The following C3orf20 variants were observed in gnomAD, a reference collection of about 807,000 sequenced individuals.
C3orf20 encodes the protein uncharacterized protein C3orf20.
A neutral mutation model predicts 88.3 loss-of-function variants in C3orf20; 76 were observed. The observed-to-expected ratio is 0.86, with a 90% CI of 0.72 to 1.04. The LOEUF (loss-of-function observed/expected upper bound fraction) is 1.04, where lower values mean the gene tolerates loss of function less well. Among genes scored for constraint, C3orf20 ranks in the 50% least tolerant of loss-of-function variants. C3orf20 has a pLI of 0.00. For missense variants in C3orf20, 1,056 were observed against 1,123.3 expected (o/e 0.94, Z 0.86); for synonymous variants, 436 against 437.4 (o/e 1.00, Z 0.04).
chr3:14,723,341 T>A (rs1281490367), intron 10 of C3orf20, among the ~76,000 whole-genome samples: 1 of 152,254 alleles, frequency 6.6e-6, no homozygotes, highest in African/African-American at 2.4e-5. Flanking sequence ...AAGCATTGCA[T>A]CTGTTTTCTT....
At chr3:14,707,444 CTTGT>C (rs2033556638) in intron 7 of C3orf20, among the ~76,000 whole-genome samples, 1 of 86,502 alleles carries the variant, frequency 1.2e-5, no homozygotes, top group Non-Finnish European at 2.2e-5. Flanking sequence ...AGCATCTTTT[CTTGT>C]GTGTGTGTGT....
chr3:14,737,373 G>A (rs1243948472), intron 12 of C3orf20, among the ~76,000 whole-genome samples: 2 of 151,704 alleles, frequency 1.3e-5, no homozygotes, highest in Non-Finnish European at 2.9e-5. Context: ...TGTAGATTTG[G>A]TTCCAGACCA....
intron 12 of C3orf20, among the ~76,000 whole-genome samples, chr3:14,754,219 T>C (rs2035297350): frequency 1.3e-5 from 2 of 152,184 alleles, no homozygotes; most frequent in African/African-American, 4.8e-5. Flanking sequence ...GGCTGTCTGG[T>C]ATCTTTGTCT....
rs114013803 is a variant in C3orf20, at chr3:14,728,156, G to A, written c.1691-283G>A. ...GCTAGCCTCTACATTTGGTGCTGGC[G>A]AGGACACAGGCTGAATGGAACAGGC... On this transcript the variant is annotated intron_variant, in intron 11 of 16. Coordinates refer to ENST00000253697, the MANE Select transcript of C3orf20 (RefSeq NM_032137.5). 2.2e-3 allele frequency among the ~76,000 whole-genome samples: 329 copies of A among 152,320 alleles called. 1 individual carries two copies. Among genetic ancestry groups the A allele is most frequent in the African/African-American group, 7.6e-3 (316 of 41,574 alleles).
intron 11 of C3orf20, 60 bp from the exon 12 acceptor site, chr3:14,728,379 C>G: frequency 6.2e-7 from 1 of 1,601,092 alleles, no homozygotes; most frequent in Non-Finnish European, 8.5e-7. Context: ...CAGTCTGGGA[C>G]CAGGGGCAGA....
chr3:14,688,968 G>A (rs561823220), intron 4 of C3orf20, among the ~76,000 whole-genome samples: 13 of 152,068 alleles, frequency 8.5e-5, no homozygotes, highest in Non-Finnish European at 1.2e-4. Flanking sequence ...TAGGTTTCCA[G>A]GCTTTTTGTT....
At chr3:14,760,426 T>C (rs553159735) in intron 14 of C3orf20, among the ~76,000 whole-genome samples, 2 of 152,144 alleles carry the variant, frequency 1.3e-5, no homozygotes, top group Non-Finnish European at 2.9e-5. Flanking sequence ...CCCACAGATA[T>C]GTACCTGGCA....
At chr3:14,696,618 T>C (rs2033015544) in intron 5 of C3orf20, among the ~76,000 whole-genome samples, 1 of 151,936 alleles carries the variant, frequency 6.6e-6, no homozygotes, top group South Asian at 2.1e-4. Flanking sequence ...CCTCAAGTGA[T>C]CTGCCTGCCT....
rs763768196 is a variant in C3orf20 at position 14,682,870 on chromosome 3, G to T, written c.157G>T (p.Glu53Ter). ...AAACATCTTTGAGTTCACTTGGGAA[G>T]AGCTCATCAGTGACCCTTCAGTGCC... Reference protein sequence around the residue: ...IRNIFEFTWEELISDPSVPTP... With the variant: ...IRNIFEFTWE The change falls in exon 3 of 17, where the codon GAG becomes TAG. Residue 53 changes from glutamate (E) to a stop codon, truncating the protein, a stop_gained. Coordinates refer to ENST00000253697, the MANE Select transcript of C3orf20 (RefSeq NM_032137.5). LOFTEE classifies it high-confidence loss of function. 1 of 1,614,220 alleles carries T rather than the reference G, an allele frequency of 6.2e-7. No homozygotes were observed. The highest frequency in any genetic ancestry group is 1.1e-5 in the South Asian group (1 of 91,084).
At position 14,726,783 on chromosome 3, in the gene C3orf20, G is replaced by A. The variant is rs79472344; in HGVS notation, c.1567-118G>A. On this transcript the variant is annotated intron_variant, in intron 10 of 16. Coordinates refer to ENST00000253697, the MANE Select transcript of C3orf20 (RefSeq NM_032137.5). ...GGAGAGAGGTGTGTTCCAGGTAGGG[G>A]TAGGGGGGCAGGCAATAGCACATCC... The A allele has an allele frequency of 2.7e-3, 3,732 of 1,401,684 alleles. 17 individuals are homozygous for A. The highest frequency in any genetic ancestry group is 3.3e-3 in the Non-Finnish European group (3,340 of 1,016,286). The allele number at this position is 1,401,684 out of a possible 1,614,324, so 86.8% of individuals were successfully genotyped here.
At chr3:14,686,473 T>C (rs1383521418) in intron 4 of C3orf20, among the ~76,000 whole-genome samples, 1 of 152,228 alleles carries the variant, frequency 6.6e-6, no homozygotes. Context: ...GGTTTCCTTT[T>C]CTCCACACTG....
intron 10 of C3orf20, among the ~76,000 whole-genome samples, chr3:14,724,839 C>T (rs1327878806): frequency 1.3e-5 from 2 of 152,060 alleles, no homozygotes; most frequent in Non-Finnish European, 2.9e-5. Context: ...GGTAGAGTCT[C>T]TATTAAGGGA....
chr3:14,745,774 A>T (rs927249087), intron 12 of C3orf20, among the ~76,000 whole-genome samples: 1 of 152,242 alleles, frequency 6.6e-6, no homozygotes, highest in African/African-American at 2.4e-5. Context: ...ATTTGTATTT[A>T]TATTATTAAA....
intron 4 of C3orf20, 96 bp from the exon 5 acceptor site, chr3:14,689,901 A>G: frequency 6.5e-7 from 1 of 1,539,566 alleles, no homozygotes; most frequent in Non-Finnish European, 8.9e-7. Context: ...TATGTGACCC[A>G]CCGTACTACT....
rs542243138 is a variant in C3orf20 at position 14,712,851 on chromosome 3, T to C, written c.1161-1156T>C. Among the ~76,000 whole-genome samples the C allele has an allele frequency of 3.9e-5, 6 of 152,346 alleles. No individual in the cohort carries two copies. The South Asian group carries it at 1.2e-3, about 32-fold the overall frequency. ...CAGGGCAGGTCTACTAGTGATTAAC[T>C]TCCTCAATATTTGTTTATCTGGGAA... On this transcript the variant is annotated intron_variant, in intron 7 of 16. Transcript: ENST00000253697.
chr3:14,678,744 T>C (rs2031924753), intron 1 of C3orf20, among the ~76,000 whole-genome samples: 1 of 152,236 alleles, frequency 6.6e-6, no homozygotes, highest in Admixed American at 6.5e-5. Flanking sequence ...GTTTCTGGCA[T>C]GTAGCAGTGC....
At chr3:14,689,615 A>G (rs1381054461) in intron 4 of C3orf20, among the ~76,000 whole-genome samples, 2 of 152,312 alleles carry the variant, frequency 1.3e-5, no homozygotes, top group East Asian at 3.9e-4. Flanking sequence ...TCTGTGGCTT[A>G]GATAAGGGGG....
intron 5 of C3orf20, among the ~76,000 whole-genome samples, chr3:14,695,085 C>T (rs2032933369): frequency 1.3e-5 from 2 of 152,168 alleles, no homozygotes; most frequent in South Asian, 4.1e-4. Context: ...GCCACCATGC[C>T]TGGGCTGAAG....
chr3:14,708,892 C>T (rs1299315039), intron 7 of C3orf20, among the ~76,000 whole-genome samples: 1 of 152,186 alleles, frequency 6.6e-6, no homozygotes, highest in Non-Finnish European at 1.5e-5. Flanking sequence ...GATCCGCCCA[C>T]TTCAGCCTCC....
Sources: allele counts gnomAD v4.1 joint callset (sites outside exome capture counted in the v4.1 genomes callset), GRCh38; gene constraint gnomAD v4.1.1; transcripts MANE v1.5; gene names NCBI Gene and HGNC (gene_info 2026-07-23, HGNC 2026-07-21).